DYNC2I2: variants seen among roughly 807,000 people sequenced by gnomAD.
The protein encoded by DYNC2I2 is dynein 2 intermediate chain 2.
In DYNC2I2, 39 loss-of-function variants were observed where a neutral mutation model predicts 52.0. The ratio of observed to expected loss-of-function variants is 0.75; its 90% CI spans 0.58 to 0.98. The LOEUF (loss-of-function observed/expected upper bound fraction) is 0.98, where lower values mean the gene tolerates loss of function less well. DYNC2I2 is among the 50% of genes least tolerant of loss of function. The pLI, the probability that DYNC2I2 is intolerant of heterozygous loss-of-function variation, is 0.00. For missense variants in DYNC2I2, 743 were observed against 728.4 expected (o/e 1.02, Z -0.23); for synonymous variants, 359 against 321.1 (o/e 1.12, Z -1.26).
In DYNC2I2 at chr9:128,640,847, C is replaced by T; in HGVS notation, c.279G>A (p.Val93=). Residue 93 remains valine (V), a synonymous_variant, in exon 2 of 9, where the codon GTG becomes GTA. Transcript: ENST00000372715. Reference sequence around the variant, plus strand: ...GGGACGGGGGCTGCACGCTGACAGGCACGGGGGCCTCCGTCTGCACCTGGG... The same window carrying T: ...GGGACGGGGGCTGCACGCTGACAGGTACGGGGGCCTCCGTCTGCACCTGGG... ...VDAQVQTEAP[V]PVSVQPPSQY... 1 of 1,613,898 alleles carries T rather than the reference C, an allele frequency of 6.2e-7. No individual in the cohort carries two copies. The highest frequency in any genetic ancestry group is 8.5e-7 in the Non-Finnish European group (1 of 1,179,942).
chr9:128,670,332 C>T, the DYNC2I2 span, among the ~76,000 whole-genome samples: 23 of 151,204 alleles, frequency 1.5e-4, no homozygotes, highest in South Asian at 8.4e-4. Context: ...CCCAGCTACT[C>T]GGGAGGCTAA....
At chr9:128,650,526 C>CATATATATATATATATATATATATATAT (rs57194999) in intron 1 of DYNC2I2, among the ~76,000 whole-genome samples, 14 of 41,456 alleles carry the variant, frequency 3.4e-4, no homozygotes, top group African/African-American at 7.5e-4. Context: ...GGCCAAAGAC[C>CATATATATATATATATATATATATATAT]ATATATATAT....
At chr9:128,676,534 T>A in the DYNC2I2 span, among the ~76,000 whole-genome samples, 1 of 334 alleles carries the variant, frequency 3.0e-3, no homozygotes, top group African/African-American at 5.9e-3. Flanking sequence ...GTGTTTGAAT[T>A]TTTTTTTTTT....
chr9:128,658,712 C>A (rs1264842677), upstream of DYNC2I2, among the ~76,000 whole-genome samples: 1 of 146,380 alleles, frequency 6.8e-6, no homozygotes, highest in Non-Finnish European at 1.5e-5. Flanking sequence ...AGCCACCTCA[C>A]CTGACCTAAT....
In DYNC2I2 at chr9:128,633,955, T is replaced by C. The variant is rs1461326205; in HGVS notation, c.1400A>G (p.Lys467Arg). 1 of 1,613,072 alleles carries C rather than the reference T, an allele frequency of 6.2e-7. No individual in the cohort carries two copies. Among genetic ancestry groups the C allele is most frequent in the Admixed American group, 1.7e-5 (1 of 60,020 alleles). The change falls in exon 9 of 9, where the codon AAA (lysine) becomes AGA (arginine). Residue 467 changes from lysine (K) to arginine (R), a missense_variant. By Grantham distance (26) the Lys-to-Arg change is conservative (BLOSUM62 2). Coordinates refer to ENST00000372715, the MANE Select transcript of DYNC2I2 (RefSeq NM_052844.4). ...KGDVQLFDLQ[K>R]SSQKPTVLIK... is the part of the protein sequence containing the mutation. ...CAAAACTGTGGGTTTCTGGGAGCTT[T>C]TCTGGAGATCAAACAGCTGCACGTC...
intron 1 of DYNC2I2, among the ~76,000 whole-genome samples, chr9:128,644,162 A>C (rs1287074540): frequency 6.6e-6 from 1 of 151,808 alleles, no homozygotes; most frequent in Admixed American, 6.6e-5. Context: ...CCTCACAACC[A>C]CCCTATGAAG....
At position 128,635,221 on chromosome 9, in the gene DYNC2I2, G is replaced by A. The variant is rs1342349809; in HGVS notation, c.852C>T (p.Phe284=). The A allele has an allele frequency of 2.5e-6, 4 of 1,612,914 alleles. No individual in the cohort carries two copies. Among genetic ancestry groups the A allele is most frequent in the African/African-American group, 2.7e-5 (2 of 74,918 alleles). The change falls in exon 6 of 9, where the codon TTC becomes TTT. Residue 284 remains phenylalanine, a synonymous_variant. Coordinates refer to ENST00000372715, the MANE Select transcript of DYNC2I2 (RefSeq NM_052844.4). ...CGTCGGTGGCCACACTCAGCACCTG[G>A]AAGCGGTGGCTGTGCCCAGGCTCGG... ...WLPEPGHSHR[F]QVLSVATDGK...
intron 1 of DYNC2I2, 62 bp downstream of exon 1, chr9:128,656,450 AGCCACGGTGGGACGCCCGAACCCGCCCGG>A: frequency 1.8e-6 from 2 of 1,086,246 alleles, no homozygotes; most frequent in Non-Finnish European, 2.3e-6. Context: ...CCCGCCCGGC[AGCCACGGTGGGACGCCCGAACCCGCCCGG>A]CAGCCGCGCT....
the DYNC2I2 span, among the ~76,000 whole-genome samples, chr9:128,669,137 G>A: frequency 2.7e-4 from 41 of 152,118 alleles, no homozygotes; most frequent in Middle Eastern, 3.4e-3. Context: ...AGGCCGAGGC[G>A]GGCGGATCAC....
intron 1 of DYNC2I2, among the ~76,000 whole-genome samples, chr9:128,642,735 A>G (rs928973858): frequency 9.9e-5 from 15 of 152,106 alleles, no homozygotes; most frequent in African/African-American, 3.6e-4. Flanking sequence ...AGCCCGGGTG[A>G]CAGAGCGAGA....
chr9:128,640,679 C>CCCAT lies in DYNC2I2; in HGVS notation c.435+8_435+11dup. The CCCAT allele has an allele frequency of 6.2e-7, 1 of 1,611,784 alleles. No homozygotes were observed. The highest frequency in any genetic ancestry group is 1.7e-4 in the Middle Eastern group (1 of 6,054). ...GGGGCTCGACCCGAGGCTGCACCAG[C>CCCAT]CCATCCCCTACCATCTGCTGCTGCT... On this transcript the variant is annotated intron_variant, in intron 2 of 8. Transcript: ENST00000372715.
intron 6 of DYNC2I2, 55 bp from the exon 7 acceptor site, chr9:128,634,976 C>G: frequency 6.3e-7 from 1 of 1,593,746 alleles, no homozygotes; most frequent in South Asian, 1.1e-5. Context: ...ATGGCACTGT[C>G]CCAACAGAGC....
intron 8 of DYNC2I2, 76 bp from the exon 9 acceptor site, chr9:128,634,058 G>A (rs1453429199): frequency 2.1e-5 from 33 of 1,570,104 alleles, no homozygotes; most frequent in Non-Finnish European, 2.5e-5. Flanking sequence ...GCTAATGCCC[G>A]GGTTCAATCC....
In DYNC2I2 at chr9:128,656,646, C is replaced by G. The variant is rs769249867; in HGVS notation, c.81G>C (p.Ala27=). Residue 27 remains alanine, a synonymous_variant, in exon 1 of 9, where the codon GCG becomes GCC. Transcript: ENST00000372715. ...GVAALATVGV[A]SGPGPGRPGP... ...CTGGCCGCCCCGGCCCCGGGCCGCT[C>G]GCAACCCCGACTGTCGCCAGCGCCG... 5.3e-6 allele frequency: 8 copies of G among 1,506,466 alleles called. No individual in the cohort carries two copies. In the Admixed American group the frequency reaches 8.9e-5, roughly 17 times the overall value. The allele number at this position is 1,506,466 out of a possible 1,614,324, so 93.3% of individuals were successfully genotyped here.
At chr9:128,635,379 C>T (rs944557957) in intron 5 of DYNC2I2, 120 bp from the exon 6 acceptor site, 4 of 1,272,416 alleles carry the variant, frequency 3.1e-6, no homozygotes, top group Middle Eastern at 5.5e-4. Context: ...GGCCCCAGAA[C>T]CAGGCTCACC....
At chr9:128,665,299 C>T in the DYNC2I2 span, among the ~76,000 whole-genome samples, 2 of 151,950 alleles carry the variant, frequency 1.3e-5, no homozygotes, top group African/African-American at 2.4e-5. Flanking sequence ...GTTCCACCCT[C>T]CTCGGCCTCC....
intron 2 of DYNC2I2, 89 bp downstream of exon 2, chr9:128,640,602 G>A (rs1185918793): frequency 6.5e-7 from 1 of 1,536,334 alleles, no homozygotes; most frequent in East Asian, 2.3e-5. Context: ...GATGATGACT[G>A]GCACGGCTGT....
At chr9:128,660,918 C>T (rs1009738162), upstream of DYNC2I2, among the ~76,000 whole-genome samples, 7 of 150,904 alleles carry the variant, frequency 4.6e-5, no homozygotes, top group East Asian at 2.0e-4. Context: ...TTAGTAGAGA[C>T]GGGGTTTCAC....
chr9:128,648,631 CAAA>C (rs71381783), intron 1 of DYNC2I2, among the ~76,000 whole-genome samples: 1 of 121,336 alleles, frequency 8.2e-6, no homozygotes, highest in Non-Finnish European at 1.6e-5. Flanking sequence ...ACTAAAAATA[CAAA>C]AAAAAAAAAA....
Sources: allele counts gnomAD v4.1 joint callset (sites outside exome capture counted in the v4.1 genomes callset), GRCh38; gene constraint gnomAD v4.1.1; transcripts MANE v1.5; gene names NCBI Gene and HGNC (gene_info 2026-07-23, HGNC 2026-07-21).